ZNF410: variants seen among roughly 807,000 people sequenced by gnomAD.
ZNF410 encodes zinc finger protein 410.
A neutral mutation model predicts 54.8 loss-of-function variants in ZNF410; 18 were observed. That is an observed-to-expected ratio of 0.33 (90% CI 0.23 to 0.49). The LOEUF is 0.49. Ranked by LOEUF, ZNF410 falls within the 20% of genes least tolerant of loss-of-function variation. ZNF410 has a pLI of 0.99. For synonymous variants in ZNF410, 191 were observed against 207.3 expected, an observed-to-expected ratio of 0.92 and a Z score of 0.68; for missense variants, 405 against 569.6, an observed-to-expected ratio of 0.71 and a Z score of 2.94.
chr14:73,903,824 C>A (rs747512172), intron 5 of ZNF410, 136 bp from the exon 6 acceptor site: 2 of 1,232,906 alleles, frequency 1.6e-6, no homozygotes, highest in Non-Finnish European at 2.3e-6. Context: ...TAAGTGCATA[C>A]AAAGATAACT....
At position 73,905,060 on chromosome 14, in the gene ZNF410, A is replaced by G. The variant is rs1276905842; in HGVS notation, c.890A>G (p.Lys297Arg). 2 of 1,613,290 alleles carry G rather than the reference A, an allele frequency of 1.2e-6. No homozygotes were observed. Among genetic ancestry groups the G allele is most frequent in the African/African-American group, 1.3e-5 (1 of 74,840 alleles). ...GKQFTTAGNL[K>R]NHRRIHTGEK... is the part of the protein sequence containing the mutation. ...CAGTTTACTACAGCTGGAAACCTGA[A>G]GAACCACCGGCGCATCCACACAGGT... The change falls in exon 7 of 12, where the codon AAG becomes AGG. Residue 297 changes from lysine to arginine, a missense_variant. This residue lies in a region of ZNF410 where 31 missense variants were observed against 85.5 expected (regional missense o/e 0.36). Transcript: ENST00000555044.
intron 5 of ZNF410, among the ~76,000 whole-genome samples, chr14:73,899,331 C>T (rs1195208673): frequency 6.6e-6 from 1 of 151,030 alleles, no homozygotes; most frequent in African/African-American, 2.4e-5. Flanking sequence ...AGGTCTCAAA[C>T]TCCTGGACTC....
chr14:73,899,732 A>T (rs2055376914), intron 5 of ZNF410, among the ~76,000 whole-genome samples: 1 of 152,146 alleles, frequency 6.6e-6, no homozygotes, highest in African/African-American at 2.4e-5. Context: ...TTTTCTTACG[A>T]TCTGAACATA....
chr14:73,925,890 G>A (rs1041585865), intron 11 of ZNF410, among the ~76,000 whole-genome samples: 6 of 152,136 alleles, frequency 3.9e-5, no homozygotes, highest in Non-Finnish European at 7.4e-5. Flanking sequence ...AAAAATTAGC[G>A]GGACGTGGTG....
intron 9 of ZNF410, 21 bp downstream of exon 9, chr14:73,921,126 G>A (rs2055748719): frequency 2.5e-6 from 4 of 1,612,914 alleles, no homozygotes; most frequent in East Asian, 2.2e-5. Flanking sequence ...TGGGCATAGT[G>A]GAACGCTGTA....
intron 3 of ZNF410, 79 bp downstream of exon 3, chr14:73,894,011 A>G (rs555015038): frequency 6.7e-6 from 10 of 1,496,742 alleles, no homozygotes; most frequent in African/African-American, 4.2e-5. Context: ...TGGAATGAAT[A>G]TATCGTTTAA....
At chr14:73,891,953 A>G in intron 1 of ZNF410, 74 bp from the exon 2 acceptor site, 3 of 655,606 alleles carry the variant, frequency 4.6e-6, no homozygotes, top group Non-Finnish European at 8.2e-6. Flanking sequence ...TGTATATGTA[A>G]AGAAGTGTCT....
At chr14:73,890,306 A>G (rs1311437577) in intron 1 of ZNF410, among the ~76,000 whole-genome samples, 1 of 151,588 alleles carries the variant, frequency 6.6e-6, no homozygotes, top group Admixed American at 6.6e-5. Flanking sequence ...CTCCTGCCAC[A>G]GCCTCCCGAG....
intron 8 of ZNF410, among the ~76,000 whole-genome samples, chr14:73,912,424 C>T (rs1312908954): frequency 6.6e-6 from 1 of 152,116 alleles, no homozygotes; most frequent in Non-Finnish European, 1.5e-5. Flanking sequence ...GCCTTGGCCT[C>T]CCGAAGTGCT....
chr14:73,891,955 GA>G, intron 1 of ZNF410, 71 bp from the exon 2 acceptor site: 1 of 660,732 alleles, frequency 1.5e-6, no homozygotes, highest in Non-Finnish European at 2.7e-6. Context: ...TATATGTAAA[GA>G]AGTGTCTTTA....
chr14:73,902,524 A>G (rs1477360000), intron 5 of ZNF410, among the ~76,000 whole-genome samples: 1 of 152,178 alleles, frequency 6.6e-6, no homozygotes, highest in African/African-American at 2.4e-5. Context: ...AGCAAGGAGA[A>G]GATTAATAGA....
At chr14:73,914,473 C>T (rs2140315806) in intron 8 of ZNF410, 1 of 152,632 alleles carries the variant, frequency 6.6e-6, no homozygotes, top group East Asian at 1.9e-4. Context: ...CGTGCCTGGC[C>T]CCCAGCTAGT....
chr14:73,889,450 A>G (rs11623153), intron 1 of ZNF410, among the ~76,000 whole-genome samples: 47,366 of 146,652 alleles, frequency 0.32, 8,680 homozygotes, highest in Non-Finnish European at 0.41. Context: ...AAAAAAAAAA[A>G]AAAGAAATAG....
At position 73,898,171 on chromosome 14, in the gene ZNF410, A is replaced by G. The variant is rs932124388; in HGVS notation, c.489A>G (p.Pro163=). The G allele has an allele frequency of 2.5e-6, 4 of 1,613,998 alleles. No individual in the cohort carries two copies. In the Admixed American group the frequency reaches 5.0e-5, roughly 20 times the overall value. The stretch of plus-strand genomic sequence containing the variant: ...GTGAGAGCACAGACAGTAGCATTCC[A>G]TGGTTCCTCCGGGTTCAGGAGTTGG... ...LSSESTDSSI[P]WFLRVQELAH... The change falls in exon 5 of 12, where the codon CCA becomes CCG. Residue 163 remains proline (P), a synonymous_variant. Coordinates refer to ENST00000555044, the MANE Select transcript of ZNF410 (RefSeq NM_021188.3).
chr14:73,932,030 C>T lies in ZNF410; in HGVS notation c.*489C>T, dbSNP rs1451535640. 4 of 456,398 alleles carry T rather than the reference C, an allele frequency of 8.8e-6. No homozygotes were observed. The highest frequency in any genetic ancestry group is 1.3e-5 in the Non-Finnish European group (3 of 226,760). The allele number at this position is 456,398 out of a possible 1,614,324, so 28.3% of individuals were successfully genotyped here. A position where few individuals can be genotyped will look rare whatever the true frequency, so the allele number is the denominator to read the frequency against. ...TGTCAATTCTCTTGTTACATTCTCC[C>T]TTTAGCAACCTGAGTAAGAGACTCT... On this transcript the variant is annotated 3_prime_UTR_variant, in exon 12 of 12. Transcript: ENST00000555044.
At chr14:73,888,612 G>A (rs900824103) in intron 1 of ZNF410, among the ~76,000 whole-genome samples, 1 of 152,172 alleles carries the variant, frequency 6.6e-6, no homozygotes, top group Non-Finnish European at 1.5e-5. Flanking sequence ...TGAGTCAATA[G>A]TATGGTATGT....
In ZNF410 at chr14:73,903,968, G is replaced by C; in HGVS notation, c.589G>C (p.Val197Leu). 6.2e-7 allele frequency: 1 copy of C among 1,614,164 alleles called. No individual in the cohort carries two copies. The highest frequency in any genetic ancestry group is 1.1e-5 in the South Asian group (1 of 91,074). ...ATGTGACTCTGTTACAGGAGAAAAT[G>C]TCCACCTTGGTTCTGGTGATGGGCA... ...NAKTSSNGEN[V>L]HLGSGDGQSK... Residue 197 changes from valine (V) to leucine (L), a missense_variant, in exon 6 of 12, where the codon GTC (valine) becomes CTC (leucine). Physicochemically the swap from Val to Leu is conservative, Grantham distance 32. Transcript: ENST00000555044.
At chr14:73,909,527 C>G in intron 8 of ZNF410, 97 bp downstream of exon 8, 2 of 951,356 alleles carry the variant, frequency 2.1e-6, no homozygotes, top group Non-Finnish European at 1.6e-6. Context: ...AAGAAACAAA[C>G]TGTTCACTAT....
chr14:73,924,780 G>A (rs759700466), intron 11 of ZNF410: 77 of 403,644 alleles, frequency 1.9e-4, no homozygotes, highest in African/African-American at 9.8e-4. Context: ...AGGTTCAAGC[G>A]ATTCTCCTGC....
Sources: gnomAD v4.1 joint callset for allele counts (sites outside exome capture counted in the v4.1 genomes callset) on GRCh38, gnomAD v4.1.1 for gene constraint, gnomAD v4.1.1 regional missense constraint, MANE v1.5 for transcripts, NCBI Gene and HGNC (gene_info 2026-07-23, HGNC 2026-07-21) for gene names.